Variants in NSUN6 observed in about 807,000 individuals in gnomAD.
NSUN6 encodes the protein tRNA (cytosine(72)-C(5))-methyltransferase NSUN6.
A neutral mutation model predicts 58.0 loss-of-function variants in NSUN6; 64 were observed. The observed-to-expected ratio is 1.10, with a 90% CI of 0.90 to 1.36. The LOEUF (loss-of-function observed/expected upper bound fraction) is 1.36. Among genes scored for constraint, NSUN6 ranks in the 40% most tolerant of loss-of-function variants. The pLI, the probability that NSUN6 is intolerant of heterozygous loss-of-function variation, is 0.00. For synonymous variants in NSUN6, 231 were observed against 193.9 expected, an observed-to-expected ratio of 1.19 and a Z score of -1.59; for missense variants, 701 against 550.1, an observed-to-expected ratio of 1.27 and a Z score of -2.74.
chr10:18,562,904 A>G (rs571191240), intron 8 of NSUN6, among the ~76,000 whole-genome samples: 28 of 144,944 alleles, frequency 1.9e-4, no homozygotes, highest in African/African-American at 7.0e-4. Context: ...AATGGAATGG[A>G]AGGAAGAATG....
At chr10:18,641,798 G>A (rs1294696185) in intron 3 of NSUN6, among the ~76,000 whole-genome samples, 2 of 152,182 alleles carry the variant, frequency 1.3e-5, no homozygotes, top group East Asian at 1.9e-4. Flanking sequence ...GCTGGGCAAC[G>A]TGGCTCACAT....
rs1178842332 is a variant in NSUN6, at chr10:18,616,904, G to C, written c.312-611C>G. 4.6e-5 allele frequency among the ~76,000 whole-genome samples: 7 copies of C among 152,070 alleles called. No individual in the cohort carries two copies. The East Asian group carries it at 1.4e-3, about 29-fold the overall frequency. ...GTCTCTAATAAGCTTCCTTGGATGT[G>C]CTGTCACAACTCACTGCTGGGGGAA... On this transcript the variant is annotated intron_variant, in intron 3 of 10. Transcript: ENST00000377304.
At chr10:18,622,301 C>A (rs2058637569) in intron 3 of NSUN6, among the ~76,000 whole-genome samples, 1 of 152,154 alleles carries the variant, frequency 6.6e-6, no homozygotes, top group African/African-American at 2.4e-5. Flanking sequence ...CTATCTGCAT[C>A]GCAGAAGAGG....
At chr10:18,613,737 A>T (rs1205143700) in intron 5 of NSUN6, among the ~76,000 whole-genome samples, 1 of 152,190 alleles carries the variant, frequency 6.6e-6, no homozygotes, top group Non-Finnish European at 1.5e-5. Flanking sequence ...ATGAATTTCA[A>T]TTACAAACCC....
At position 18,650,821 on chromosome 10, in the gene NSUN6, C is replaced by G. The variant is rs997165157; in HGVS notation, c.75+308G>C. Among the ~76,000 whole-genome samples, 3 of 152,336 alleles carry G rather than the reference C, an allele frequency of 2.0e-5. No individual in the cohort carries two copies. The South Asian group carries it at 6.2e-4, about 32-fold the overall frequency. ...CCAGAGCCAGCGCTCTTTTAAAATT[C>G]GATTCGAGTTCTTGAAGACAGGGAC... On this transcript the variant is annotated intron_variant, in intron 1 of 10. Transcript: ENST00000377304.
At chr10:18,640,722 T>G (rs1236243594) in intron 3 of NSUN6, among the ~76,000 whole-genome samples, 1 of 152,132 alleles carries the variant, frequency 6.6e-6, no homozygotes, top group Admixed American at 6.6e-5. Flanking sequence ...AAACTAAACA[T>G]TTAAGATCTC....
chr10:18,589,002 A>G (rs1339876739), intron 7 of NSUN6, among the ~76,000 whole-genome samples: 1 of 152,190 alleles, frequency 6.6e-6, no homozygotes, highest in Non-Finnish European at 1.5e-5. Flanking sequence ...AACCCAATGC[A>G]AGGAAGCTAA....
chr10:18,639,945 A>T (rs2059341182), intron 3 of NSUN6, among the ~76,000 whole-genome samples: 3 of 152,244 alleles, frequency 2.0e-5, no homozygotes, highest in Admixed American at 1.3e-4. Flanking sequence ...TTTGTTCTGC[A>T]GACATGCTTA....
intron 3 of NSUN6, among the ~76,000 whole-genome samples, chr10:18,627,734 T>C (rs562381491): frequency 1.1e-4 from 17 of 152,324 alleles, no homozygotes; most frequent in Non-Finnish European, 2.9e-5. Context: ...CAGGAGACTA[T>C]ATCCCGCGGC....
chr10:18,609,868 G>C lies in NSUN6; in HGVS notation c.634C>G (p.Leu212Val). ...ACTTGTAAAAATAAGTAACGGGGCA[G>C]TACACTGTCAAATGAAGGGCTGAGA... ...VYLSPSFDSV[L>V]PRYLFLQNLP... is the part of the protein sequence containing the mutation. Residue 212 changes from leucine (L) to valine (V), a missense_variant, in exon 6 of 11, where the codon CTG becomes GTG. Transcript: ENST00000377304. 6.3e-7 allele frequency: 1 copy of C among 1,595,194 alleles called. No individual in the cohort carries two copies. Among genetic ancestry groups the C allele is most frequent in the Non-Finnish European group, 8.6e-7 (1 of 1,162,978 alleles).
chr10:18,596,092 T>C, intron 7 of NSUN6, 116 bp downstream of exon 7: 1 of 806,496 alleles, frequency 1.2e-6, no homozygotes, highest in Non-Finnish European at 2.0e-6. Flanking sequence ...CTGAATAGTT[T>C]TCATTTTGGC....
At chr10:18,573,160 TTCCATTCCACTG>T (rs1056476056) in intron 8 of NSUN6, among the ~76,000 whole-genome samples, 3 of 151,684 alleles carry the variant, frequency 2.0e-5, no homozygotes, top group African/African-American at 4.8e-5. Context: ...TTTCATTCCA[TTCCATTCCACTG>T]TCCATTCCAC....
intron 3 of NSUN6, 37 bp downstream of exon 3, chr10:18,642,439 G>A (rs2059416807): frequency 1.0e-6 from 1 of 1,002,676 alleles, no homozygotes; most frequent in African/African-American, 1.6e-5. Context: ...AACTTTTATT[G>A]AGAATAATAT....
intron 3 of NSUN6, among the ~76,000 whole-genome samples, chr10:18,622,479 C>G (rs571562389): frequency 6.6e-6 from 1 of 152,244 alleles, no homozygotes; most frequent in South Asian, 2.1e-4. Flanking sequence ...TTTAGGAGTA[C>G]GAGGTGGGCA....
Position 18,624,496 on chromosome 10 carries a change from C to CA in NSUN6, c.312-8204dup, listed in dbSNP as rs941165849. On this transcript the variant is annotated intron_variant, in intron 3 of 10. Coordinates refer to ENST00000377304, the MANE Select transcript of NSUN6 (RefSeq NM_182543.5). The stretch of plus-strand genomic sequence containing the variant: ...TGAGACCATCCTGGCTAAAAAAATA[C>CA]AAAAAAAAAATTAGCCGGGCATGGT... Among the ~76,000 whole-genome samples, 141 of 145,938 alleles carry CA rather than the reference C, an allele frequency of 9.7e-4. 1 individual carries two copies. The highest frequency in any genetic ancestry group is 3.4e-3 in the Middle Eastern group (1 of 292).
upstream of NSUN6, chr10:18,652,664 A>T: frequency 1.4e-6 from 1 of 722,030 alleles, no homozygotes; most frequent in Non-Finnish European, 1.7e-6. Flanking sequence ...GGTTCAAGAG[A>T]TTCTCCTGCC....
intron 9 of NSUN6, among the ~76,000 whole-genome samples, chr10:18,549,722 G>C (rs2054490931): frequency 6.6e-6 from 1 of 152,048 alleles, no homozygotes; most frequent in South Asian, 2.1e-4. Context: ...AATACCTAAA[G>C]TTCAGCTTTT....
intron 8 of NSUN6, among the ~76,000 whole-genome samples, chr10:18,559,743 C>G (rs965764695): frequency 3.5e-5 from 5 of 141,780 alleles, no homozygotes; most frequent in South Asian, 4.5e-4. Flanking sequence ...ATGGAATGGA[C>G]AATGGAGTGG....
intron 9 of NSUN6, among the ~76,000 whole-genome samples, chr10:18,550,777 T>C (rs1589814032): frequency 6.7e-6 from 1 of 150,114 alleles, no homozygotes; most frequent in African/African-American, 2.5e-5. Flanking sequence ...CAGGCTGGAG[T>C]GCAGTGGCAT....
Sources: allele counts gnomAD v4.1 joint callset (sites outside exome capture counted in the v4.1 genomes callset), GRCh38; gene constraint gnomAD v4.1.1; transcripts MANE v1.5; gene names NCBI Gene and HGNC (gene_info 2026-07-23, HGNC 2026-07-21).